Variants in GABRB3 observed in about 807,000 individuals in gnomAD.
The protein encoded by GABRB3 is gamma-aminobutyric acid type A receptor subunit beta3, also known as gamma-aminobutyric acid receptor subunit beta-3.
A neutral mutation model predicts 52.1 loss-of-function variants in GABRB3; 14 were observed. The ratio of observed to expected loss-of-function variants is 0.27; its 90% CI spans 0.18 to 0.42. The LOEUF is 0.42. GABRB3 is among the 10% of genes least tolerant of loss of function. The pLI is 1.00. For missense variants in GABRB3, 307 were observed against 609.1 expected, an observed-to-expected ratio of 0.50 and a Z score of 5.22; for synonymous variants, 260 against 232.3, an observed-to-expected ratio of 1.12 and a Z score of -1.08.
chr15:26,634,024 C>G (rs1299118768), intron 3 of GABRB3, among the ~76,000 whole-genome samples: 2 of 152,198 alleles, frequency 1.3e-5, no homozygotes, highest in Non-Finnish European at 2.9e-5. Flanking sequence ...TTTCAATAAG[C>G]ATTCCCTTTG....
chr15:26,624,387 T>TA, intron 3 of GABRB3: 1 of 985,492 alleles, frequency 1.0e-6, no homozygotes. Context: ...CCCGCATGCT[T>TA]ACGCCTGAGT....
At chr15:26,756,520 G>A (rs1890666775) in intron 3 of GABRB3, among the ~76,000 whole-genome samples, 1 of 152,080 alleles carries the variant, frequency 6.6e-6, no homozygotes, top group Admixed American at 6.5e-5. Context: ...AGAGGTTGCA[G>A]TGAGCCAAGA....
At chr15:26,610,526 ATTCTT>A (rs1566773107) in intron 4 of GABRB3, among the ~76,000 whole-genome samples, 1 of 152,192 alleles carries the variant, frequency 6.6e-6, no homozygotes, top group East Asian at 1.9e-4. Context: ...ATAAGCTGAT[ATTCTT>A]TTATAATACT....
chr15:26,584,330 C>T (rs998497549), intron 4 of GABRB3, among the ~76,000 whole-genome samples: 2 of 152,284 alleles, frequency 1.3e-5, no homozygotes, highest in Admixed American at 1.3e-4. Flanking sequence ...ATGTGTGGGA[C>T]ACCACCAATT....
intron 4 of GABRB3, among the ~76,000 whole-genome samples, chr15:26,606,809 G>GATAGATATATCTATAGATAGATATATCT (rs1566770738): frequency 4.1e-5 from 3 of 72,618 alleles, no homozygotes; most frequent in African/African-American, 8.5e-5. Context: ...TATATCTATA[G>GATAGATATATCTATAGATAGATATATCT]ATAGATAGAT....
Position 26,665,888 on chromosome 15 carries a change from GGAT to G in GABRB3, c.241-44357_241-44355del, listed in dbSNP as rs761309559. On this transcript the variant is annotated intron_variant, in intron 3 of 8. Coordinates refer to ENST00000311550, the MANE Select transcript of GABRB3 (RefSeq NM_000814.6). ...AAGTATAAACCTGGCTATTTATAAT[GGAT>G]GATAACAATAAAAAGTGTGCATTTG... Among the ~76,000 whole-genome samples the G allele has an allele frequency of 4.6e-5, 7 of 152,254 alleles. No individual in the cohort carries two copies. In the South Asian group the frequency reaches 1.5e-3, roughly 32 times the overall value.
chr15:26,624,190 C>A, intron 3 of GABRB3: 1 of 985,376 alleles, frequency 1.0e-6, no homozygotes, highest in Non-Finnish European at 1.2e-6. Context: ...GCATATTCCG[C>A]CCCTTCATCA....
chr15:26,770,946 TG>T (rs1891127591), intron 3 of GABRB3, among the ~76,000 whole-genome samples: 1 of 152,244 alleles, frequency 6.6e-6, no homozygotes, highest in South Asian at 2.1e-4. Context: ...ATTCCTTCTG[TG>T]TTCCTTGCTA....
chr15:26,606,836 A>AGATATATCGATAGATAGATATATC (rs1891853281), intron 4 of GABRB3, among the ~76,000 whole-genome samples: 2 of 107,914 alleles, frequency 1.9e-5, no homozygotes, highest in African/African-American at 6.7e-5. Flanking sequence ...ATAGATAGAT[A>AGATATATCGATAGATAGATATATC]GATAGATATG....
intron 3 of GABRB3, among the ~76,000 whole-genome samples, chr15:26,764,213 T>A (rs368591744): frequency 1.9e-5 from 1 of 53,462 alleles, no homozygotes; most frequent in African/African-American, 6.7e-5. Flanking sequence ...TATATATATA[T>A]ATATATATAT....
intron 7 of GABRB3, among the ~76,000 whole-genome samples, chr15:26,566,689 G>A (rs572704667): frequency 2.0e-5 from 3 of 152,166 alleles, no homozygotes; most frequent in South Asian, 4.2e-4. Flanking sequence ...TCGCAATTAT[G>A]CCACTGCACT....
At chr15:26,670,490 G>A (rs1887863043) in intron 3 of GABRB3, among the ~76,000 whole-genome samples, 2 of 152,142 alleles carry the variant, frequency 1.3e-5, no homozygotes, top group African/African-American at 2.4e-5. Flanking sequence ...CACGGCCTGG[G>A]AAGGGAGGAA....
intron 5 of GABRB3, 108 bp downstream of exon 5, chr15:26,583,220 CCTCT>C (rs1890852208): frequency 2.0e-5 from 16 of 797,352 alleles, no homozygotes; most frequent in Non-Finnish European, 3.5e-5. Flanking sequence ...TGTGTCTTCC[CCTCT>C]TTCTATGTCA....
chr15:26,764,650 CAA>C (rs1242472403), intron 3 of GABRB3, among the ~76,000 whole-genome samples: 1 of 152,120 alleles, frequency 6.6e-6, no homozygotes, highest in Admixed American at 6.5e-5. Flanking sequence ...AGCAAATCGC[CAA>C]GAGACCTATC....
intron 4 of GABRB3, among the ~76,000 whole-genome samples, chr15:26,611,664 G>A (rs1049847836): frequency 3.3e-5 from 5 of 152,300 alleles, no homozygotes; most frequent in Admixed American, 2.6e-4. Flanking sequence ...TAAGGCATAT[G>A]TAATTTTTTT....
chr15:26,567,503 C>T, intron 7 of GABRB3, 78 bp downstream of exon 7: 1 of 1,431,994 alleles, frequency 7.0e-7, no homozygotes. Flanking sequence ...GGTAGTTGAA[C>T]TACAGCCTTT....
chr15:26,753,241 C>T (rs1329735469), intron 3 of GABRB3, among the ~76,000 whole-genome samples: 1 of 152,156 alleles, frequency 6.6e-6, no homozygotes, highest in African/African-American at 2.4e-5. Flanking sequence ...TCACGACACA[C>T]ATCAAGCGGG....
intron 3 of GABRB3, among the ~76,000 whole-genome samples, chr15:26,638,452 C>T (rs1893112566): frequency 6.6e-6 from 1 of 152,220 alleles, no homozygotes; most frequent in Non-Finnish European, 1.5e-5. Context: ...TTCCTCTCTT[C>T]CAAGGTGATC....
At chr15:26,773,369 C>T (rs1435684117), upstream of GABRB3, among the ~76,000 whole-genome samples, 5 of 150,826 alleles carry the variant, frequency 3.3e-5, no homozygotes, top group African/African-American at 1.2e-4. Context: ...CGCGGCTGCG[C>T]GGAGTCGGGA....
Sources: allele counts gnomAD v4.1 joint callset (sites outside exome capture counted in the v4.1 genomes callset), GRCh38; gene constraint gnomAD v4.1.1; transcripts MANE v1.5; gene names NCBI Gene and HGNC (gene_info 2026-07-23, HGNC 2026-07-21).